Variants in LAMA4 observed in about 807,000 individuals in gnomAD.
The protein encoded by LAMA4 is laminin subunit alpha-4.
LAMA4 carries 127 observed loss-of-function variants against 207.1 expected under a neutral mutation model. The observed-to-expected ratio is 0.61, with a 90% confidence interval of 0.53 to 0.71. LAMA4 has a LOEUF of 0.71. Ranked by LOEUF, LAMA4 falls within the 30% of genes least tolerant of loss-of-function variation. The pLI, the probability that LAMA4 is intolerant of heterozygous loss-of-function variation, is 0.00. For synonymous variants in LAMA4, 761 were observed against 816.0 expected, an observed-to-expected ratio of 0.93 and a Z score of 1.15; for missense variants, 2,093 against 2,246.5, an observed-to-expected ratio of 0.93 and a Z score of 1.38.
chr6:112,113,498 A>T (rs1777826448), intron 38 of LAMA4, among the ~76,000 whole-genome samples: 1 of 152,218 alleles, frequency 6.6e-6, no homozygotes, highest in Non-Finnish European at 1.5e-5. Context: ...TGTTGTCCAT[A>T]AGTGTCCTGT....
At chr6:112,214,649 G>A (rs1554358072) in intron 3 of LAMA4, among the ~76,000 whole-genome samples, 2 of 152,138 alleles carry the variant, frequency 1.3e-5, no homozygotes, top group Non-Finnish European at 2.9e-5. Flanking sequence ...GAATAAAATG[G>A]CTATTTCTTT....
intron 21 of LAMA4, 87 bp from the exon 22 acceptor site, chr6:112,141,009 CA>C: frequency 1.7e-6 from 2 of 1,166,674 alleles, no homozygotes; most frequent in Middle Eastern, 2.0e-4. Flanking sequence ...TCCCTCATCA[CA>C]AAATGGGTAA....
rs1279725181 is a variant in LAMA4 at position 112,189,155 on chromosome 6, C to G, written c.769G>C (p.Glu257Gln). The change falls in exon 7 of 39, where the codon GAA becomes CAA. Residue 257 changes from glutamate to glutamine, a missense_variant. Physicochemically the swap from Glu to Gln is conservative, Grantham distance 29 (BLOSUM62 2). Transcript: ENST00000230538. ...PCDSVTGECL[E>Q]EGFEPPTGMD... ...CCTGTAGGGGGTTCAAAACCTTCTT[C>G]CAAGCATTCTCCGGTTACACTGTCA... is the stretch of plus-strand genomic sequence containing the variant. 2 of 1,613,952 alleles carry G rather than the reference C, an allele frequency of 1.2e-6. No individual in the cohort carries two copies. Among genetic ancestry groups the G allele is most frequent in the African/African-American group, 1.3e-5 (1 of 74,912 alleles).
chr6:112,231,998 TA>T (rs1201417795), intron 2 of LAMA4, among the ~76,000 whole-genome samples: 1 of 152,212 alleles, frequency 6.6e-6, no homozygotes, highest in East Asian at 1.9e-4. Context: ...CTCTTATTTG[TA>T]AAATGTGAGC....
intron 6 of LAMA4, 47 bp from the exon 7 acceptor site, chr6:112,189,252 T>C: frequency 7.6e-7 from 1 of 1,307,568 alleles, no homozygotes; most frequent in Non-Finnish European, 1.1e-6. Context: ...TCTTAATGCT[T>C]AAAATATGGC....
chr6:112,192,104 G>A (rs574639466), intron 5 of LAMA4, among the ~76,000 whole-genome samples: 1 of 152,288 alleles, frequency 6.6e-6, no homozygotes, highest in Admixed American at 6.5e-5. Context: ...CTATAGGATT[G>A]AACTGGTATA....
intron 8 of LAMA4, chr6:112,187,169 T>C: frequency 1.9e-6 from 1 of 513,228 alleles, no homozygotes; most frequent in Non-Finnish European, 3.5e-6. Context: ...TTCTCTTTCC[T>C]CAGTAGTTTT....
intron 2 of LAMA4, among the ~76,000 whole-genome samples, chr6:112,247,814 G>T (rs1401080502): frequency 6.6e-6 from 1 of 152,168 alleles, no homozygotes; most frequent in Non-Finnish European, 1.5e-5. Context: ...ATTACTCACA[G>T]TAGCCAAAAG....
chr6:112,155,847 T>C, intron 14 of LAMA4, 141 bp from the exon 15 acceptor site: 1 of 924,374 alleles, frequency 1.1e-6, no homozygotes, highest in Non-Finnish European at 1.7e-6. Context: ...TGGCAAGGTT[T>C]TCTTGAGGGT....
Position 112,130,924 on chromosome 6 carries a change from C to T in LAMA4, c.3968+44G>A, listed in dbSNP as rs369724866. On this transcript the variant is annotated intron_variant, in intron 29 of 38. Transcript: ENST00000230538. ...AGTGGTTTTTGACATAATCATGTCC[C>T]ACAAATAGACATGGTGGAAAGAATA... is the stretch of plus-strand genomic sequence containing the variant. 3.1e-6 allele frequency: 5 copies of T among 1,601,064 alleles called. No individual in the cohort carries two copies. In the East Asian group the frequency reaches 8.9e-5, roughly 29 times the overall value.
intron 2 of LAMA4, among the ~76,000 whole-genome samples, chr6:112,220,364 T>C (rs1240729353): frequency 6.6e-6 from 1 of 152,168 alleles, no homozygotes; most frequent in Non-Finnish European, 1.5e-5. Flanking sequence ...GCTTACTTTG[T>C]TATATTTAGT....
Position 112,158,884 on chromosome 6 carries a change from A to G in LAMA4, c.1669-4T>C, listed in dbSNP as rs781886388. On this transcript the variant is annotated splice_polypyrimidine_tract_variant and splice_region_variant and intron_variant, in intron 13 of 38. Coordinates refer to ENST00000230538, the MANE Select transcript of LAMA4 (RefSeq NM_001105206.3). ...CTGCATAAATCCCTGACGCATTCTA[A>G]AGAAAAAAATTTTAATAAATACATT... 1.2e-6 allele frequency: 2 copies of G among 1,602,602 alleles called. No individual in the cohort carries two copies. Among genetic ancestry groups the G allele is most frequent in the African/African-American group, 2.7e-5 (2 of 74,806 alleles).
intron 9 of LAMA4, among the ~76,000 whole-genome samples, chr6:112,182,808 A>T (rs570032424): frequency 6.6e-6 from 1 of 152,344 alleles, no homozygotes; most frequent in East Asian, 1.9e-4. Context: ...GACCTTGAGC[A>T]CAGTGGCTCT....
At chr6:112,130,108 G>A in intron 29 of LAMA4, 68 bp from the exon 30 acceptor site, 3 of 1,346,586 alleles carry the variant, frequency 2.2e-6, no homozygotes, top group Non-Finnish European at 2.1e-6. Flanking sequence ...CTCTAGGTTG[G>A]ATAAGCAGGT....
intron 25 of LAMA4, among the ~76,000 whole-genome samples, chr6:112,135,498 C>G (rs556938308): frequency 6.6e-6 from 1 of 152,280 alleles, no homozygotes; most frequent in East Asian, 1.9e-4. Context: ...AATACAGTCT[C>G]CTACCCTTCG....
rs782424211 is a variant in LAMA4 at position 112,183,950 on chromosome 6, CAA to C, written c.1077+1285_1077+1286del. Among the ~76,000 whole-genome samples the C allele has an allele frequency of 3.5e-4, 29 of 81,726 alleles. 2 individuals carry two copies. The East Asian group carries it at 7.6e-3, about 22-fold the overall frequency. 53.6% of individuals were successfully genotyped at this position (81,726 alleles called of 152,430 possible). On this transcript the variant is annotated intron_variant, in intron 9 of 38. Transcript: ENST00000230538. ...TGGGCAACAAAGCGAGACTCCATCT[CAA>C]AAAAAAAAAAAAAAAAAGAAAAAAG...
intron 2 of LAMA4, among the ~76,000 whole-genome samples, chr6:112,243,385 C>T (rs1176317935): frequency 2.0e-5 from 3 of 152,192 alleles, no homozygotes; most frequent in African/African-American, 7.2e-5. Context: ...GATTCAGTAT[C>T]TTAAGCCAGG....
At chr6:112,207,574 C>T (rs1436044544) in intron 3 of LAMA4, among the ~76,000 whole-genome samples, 3 of 152,120 alleles carry the variant, frequency 2.0e-5, no homozygotes, top group Non-Finnish European at 2.9e-5. Flanking sequence ...TTATCCATGG[C>T]AATGGGAACA....
At chr6:112,252,850 T>C (rs1214887662) in intron 2 of LAMA4, among the ~76,000 whole-genome samples, 1 of 152,200 alleles carries the variant, frequency 6.6e-6, no homozygotes, top group East Asian at 1.9e-4. Flanking sequence ...TCATGGAGGC[T>C]ACATTTTATA....
Sources: gnomAD v4.1 joint callset for allele counts (sites outside exome capture counted in the v4.1 genomes callset) on GRCh38, gnomAD v4.1.1 for gene constraint, MANE v1.5 for transcripts, NCBI Gene and HGNC (gene_info 2026-07-23, HGNC 2026-07-21) for gene names.